Variants in CAPN9 observed in about 807,000 individuals in gnomAD.
CAPN9 encodes the protein calpain-9.
A neutral mutation model predicts 92.8 loss-of-function variants in CAPN9; 81 were observed. The observed-to-expected ratio is 0.87, with a 90% confidence interval of 0.73 to 1.05. The LOEUF (loss-of-function observed/expected upper bound fraction) is 1.05. CAPN9 is among the 50% of genes least tolerant of loss of function. CAPN9 has a pLI of 0.00. For missense variants in CAPN9, 848 were observed against 866.2 expected (o/e 0.98, Z 0.26); for synonymous variants, 304 against 328.0 (o/e 0.93, Z 0.79).
chr1:230,787,688 C>A, intron 13 of CAPN9, 86 bp downstream of exon 13: 1 of 1,127,202 alleles, frequency 8.9e-7, no homozygotes, highest in Non-Finnish European at 1.3e-6. Flanking sequence ...TGGGGTTGGT[C>A]AGCAACGTCA....
Position 230,780,323 on chromosome 1 carries a change from A to G in CAPN9, c.1259A>G (p.Tyr420Cys), listed in dbSNP as rs371892131. 1.2e-6 allele frequency: 2 copies of G among 1,613,896 alleles called. No individual in the cohort carries two copies. The highest frequency in any genetic ancestry group is 1.7e-6 in the Non-Finnish European group (2 of 1,179,972). Residue 420 changes from tyrosine to cysteine, a missense_variant, in exon 10 of 20, where the codon TAT becomes TGT. Transcript: ENST00000271971. ...RFGANVLTIG[Y>C]AIYECPDKDE... ...GGTGCCAATGTGCTGACAATCGGCTATGCCATTTATGAGGTAGGTGGGAAC... is the reference window on the plus strand; with the variant it reads ...GGTGCCAATGTGCTGACAATCGGCTGTGCCATTTATGAGGTAGGTGGGAAC...
chr1:230,747,514 G>A lies in CAPN9; in HGVS notation c.18G>A (p.Arg6=). The A allele has an allele frequency of 6.2e-7, 1 of 1,614,066 alleles. No homozygotes were observed. The highest frequency in any genetic ancestry group is 8.5e-7 in the Non-Finnish European group (1 of 1,180,028). MPYLY[R]APGPQAHPVP... is the part of the protein sequence containing the mutation. ...GAGCAGCCATGCCTTACCTCTACCGGGCCCCAGGGCCTCAGGCACACCCGG... is the reference window on the plus strand; with the variant it reads ...GAGCAGCCATGCCTTACCTCTACCGAGCCCCAGGGCCTCAGGCACACCCGG... The change falls in exon 1 of 20, where the codon CGG becomes CGA. Residue 6 remains arginine, a synonymous_variant. Transcript: ENST00000271971.
At chr1:230,780,846 CTTTCT>C in intron 11 of CAPN9, 138 bp downstream of exon 11, 1 of 551,732 alleles carries the variant, frequency 1.8e-6, no homozygotes, top group Non-Finnish European at 3.1e-6. Flanking sequence ...AGGATGGTTT[CTTTCT>C]TTTCTTTTAT....
At chr1:230,801,173 CT>C in intron 19 of CAPN9, among the ~76,000 whole-genome samples, 1 of 152,276 alleles carries the variant, frequency 6.6e-6, no homozygotes, top group African/African-American at 2.4e-5. Context: ...CTTCCACTTC[CT>C]GCAGCCCCTC....
intron 19 of CAPN9, among the ~76,000 whole-genome samples, chr1:230,799,803 C>T (rs376979239): frequency 1.6e-4 from 25 of 152,118 alleles, no homozygotes; most frequent in Non-Finnish European, 3.4e-4. Flanking sequence ...GAGGCCTAGG[C>T]GGGAGGATTG....
At chr1:230,764,587 A>C (rs1049820303) in intron 4 of CAPN9, among the ~76,000 whole-genome samples, 3 of 152,268 alleles carry the variant, frequency 2.0e-5, no homozygotes, top group Non-Finnish European at 1.5e-5. Context: ...TGACCTAAGT[A>C]ACTTTGGAAA....
intron 3 of CAPN9, among the ~76,000 whole-genome samples, chr1:230,760,718 C>A (rs1484282825): frequency 6.6e-6 from 1 of 152,130 alleles, no homozygotes; most frequent in Non-Finnish European, 1.5e-5. Flanking sequence ...CCCTTCCCAT[C>A]CTGTGACTTC....
At chr1:230,774,371 C>T (rs1226360501) in intron 7 of CAPN9, among the ~76,000 whole-genome samples, 183 bp from the exon 8 acceptor site, 1 of 152,174 alleles carries the variant, frequency 6.6e-6, no homozygotes, top group African/African-American at 2.4e-5. Context: ...TCTGACCAGC[C>T]CTCTTATTTG....
At chr1:230,756,865 C>T (rs1254902643) in intron 2 of CAPN9, among the ~76,000 whole-genome samples, 1 of 151,958 alleles carries the variant, frequency 6.6e-6, no homozygotes, top group African/African-American at 2.4e-5. Flanking sequence ...TTGCTTGAGC[C>T]TGGGAAGTTG....
chr1:230,757,239 C>A (rs1360360051), intron 2 of CAPN9, among the ~76,000 whole-genome samples: 1 of 152,082 alleles, frequency 6.6e-6, no homozygotes, highest in Non-Finnish European at 1.5e-5. Flanking sequence ...ACAATGTAGA[C>A]TTTTCAAAAG....
intron 13 of CAPN9, 38 bp from the exon 14 acceptor site, chr1:230,790,094 C>G (rs764110377): frequency 6.5e-7 from 1 of 1,540,358 alleles, no homozygotes; most frequent in South Asian, 1.1e-5. Context: ...AAAGAAGGTG[C>G]CAAGGGCTAT....
chr1:230,795,339 G>A (rs1668281671), intron 18 of CAPN9, 60 bp downstream of exon 18: 3 of 971,980 alleles, frequency 3.1e-6, no homozygotes, highest in Non-Finnish European at 5.0e-6. Flanking sequence ...CACCCTCCAT[G>A]AGCGCATGAG....
At chr1:230,800,120 G>A (rs942594582) in intron 19 of CAPN9, among the ~76,000 whole-genome samples, 1 of 151,738 alleles carries the variant, frequency 6.6e-6, no homozygotes, top group Non-Finnish European at 1.5e-5. Flanking sequence ...GGAGCTTACA[G>A]TGAGCCAAGA....
intron 12 of CAPN9, among the ~76,000 whole-genome samples, chr1:230,787,058 C>T (rs975730367): frequency 1.4e-4 from 22 of 152,162 alleles, no homozygotes; most frequent in African/African-American, 5.3e-4. Context: ...ACCAAAGAAA[C>T]CAAAAATCAC....
rs770627288 is a variant in CAPN9, at chr1:230,787,535, C to T, written c.1532C>T (p.Thr511Ile). The T allele has an allele frequency of 1.5e-5, 25 of 1,613,968 alleles. No homozygotes were observed. Among genetic ancestry groups the T allele is most frequent in the Non-Finnish European group, 1.2e-5 (14 of 1,179,964 alleles). Residue 511 changes from threonine to isoleucine, a missense_variant, in exon 13 of 20, where the codon ACT becomes ATT. Transcript: ENST00000271971. ...DIDLPEPPKP[T>I]PPDQETEEEQ... ...GCTGTTTTTTAGCCTCCAAAGCCAA[C>T]TCCACCTGACCAGGAGACAGAGGAG...
At chr1:230,762,966 A>G (rs1043485243) in intron 4 of CAPN9, among the ~76,000 whole-genome samples, 180 bp downstream of exon 4, 1 of 152,168 alleles carries the variant, frequency 6.6e-6, no homozygotes, top group Non-Finnish European at 1.5e-5. Flanking sequence ...GTCGTAGCCT[A>G]GATGTGCCCA....
In CAPN9 at chr1:230,800,808, G is replaced by A. The variant is rs28359748; in HGVS notation, c.2047-762G>A. On this transcript the variant is annotated intron_variant, in intron 19 of 19. Transcript: ENST00000271971. ...ATCCCCTTGGTGAGTCCAGTGTGCA[G>A]CCAGGTCTGAAGTATCCATGTTTTA... Among the ~76,000 whole-genome samples the A allele has an allele frequency of 4.8e-3, 731 of 152,286 alleles. 5 individuals carry two copies. Among genetic ancestry groups the A allele is most frequent in the Non-Finnish European group, 8.0e-3 (546 of 68,030 alleles).
intron 15 of CAPN9, 33 bp downstream of exon 15, chr1:230,791,961 A>T (rs377002124): frequency 1.3e-6 from 2 of 1,503,968 alleles, no homozygotes; most frequent in Middle Eastern, 3.4e-4. Context: ...AGAAATAGAC[A>T]TGGATCCTGG....
chr1:230,769,665 CTATCT>C (rs766086378), intron 6 of CAPN9, among the ~76,000 whole-genome samples: 2,218 of 93,074 alleles, frequency 0.024, 27 homozygotes, highest in Non-Finnish European at 0.047. Flanking sequence ...ATCTATCTAT[CTATCT>C]ATCTATCTAT....
Sources: allele counts gnomAD v4.1 joint callset (sites outside exome capture counted in the v4.1 genomes callset), GRCh38; gene constraint gnomAD v4.1.1; transcripts MANE v1.5; gene names NCBI Gene and HGNC (gene_info 2026-07-23, HGNC 2026-07-21).